MPDZ: variants seen among roughly 807,000 people sequenced by gnomAD.
MPDZ encodes the protein multiple PDZ domain crumbs cell polarity complex component, also known as multiple PDZ domain protein.
MPDZ carries 234 observed loss-of-function variants against 239.1 expected under a neutral mutation model. The observed-to-expected ratio is 0.98, with a 90% CI of 0.88 to 1.09. The LOEUF (loss-of-function observed/expected upper bound fraction) is 1.09, where lower values mean the gene tolerates loss of function less well. Among genes scored for constraint, MPDZ ranks in the 50% least tolerant of loss-of-function variants. The pLI, the probability that MPDZ is intolerant of heterozygous loss-of-function variation, is 0.00. For missense variants in MPDZ, 3,175 were observed against 2,510.0 expected (o/e 1.26, Z -5.66); for synonymous variants, 1,048 against 881.3 (o/e 1.19, Z -3.35).
intron 3 of MPDZ, among the ~76,000 whole-genome samples, chr9:13,230,637 T>C (rs1446874374): frequency 6.6e-6 from 1 of 152,032 alleles, no homozygotes; most frequent in South Asian, 2.1e-4. Context: ...TGGTTAAATA[T>C]GACTATAAAA....
chr9:13,128,262 A>G (rs1945411348), intron 32 of MPDZ, among the ~76,000 whole-genome samples: 1 of 152,240 alleles, frequency 6.6e-6, no homozygotes, highest in Non-Finnish European at 1.5e-5. Context: ...ATGGTGTATA[A>G]TTTCACAGCT....
chr9:13,151,932 C>G (rs1949230211), intron 24 of MPDZ, among the ~76,000 whole-genome samples: 1 of 151,974 alleles, frequency 6.6e-6, no homozygotes, highest in Non-Finnish European at 1.5e-5. Context: ...AATTATGTGT[C>G]TTATAGAATC....
chr9:13,154,748 A>G (rs184718354), intron 24 of MPDZ, among the ~76,000 whole-genome samples: 224 of 152,302 alleles, frequency 1.5e-3, no homozygotes, highest in African/African-American at 5.1e-3. Context: ...ACAACAAATG[A>G]GCAAATGTTC....
intron 1 of MPDZ, among the ~76,000 whole-genome samples, chr9:13,261,876 A>G (rs1210330454): frequency 2.0e-5 from 3 of 151,702 alleles, no homozygotes; most frequent in Non-Finnish European, 4.4e-5. Flanking sequence ...ACAAAAAAAA[A>G]AAAAAAAAAA....
chr9:13,209,707 C>T (rs561915291), intron 10 of MPDZ, among the ~76,000 whole-genome samples: 46 of 152,164 alleles, frequency 3.0e-4, no homozygotes, highest in African/African-American at 1.1e-3. Flanking sequence ...TTCACATTTC[C>T]TTGTATTTAT....
intron 13 of MPDZ, among the ~76,000 whole-genome samples, chr9:13,194,802 G>A (rs1396672997): frequency 1.3e-5 from 2 of 151,972 alleles, no homozygotes; most frequent in African/African-American, 4.8e-5. Flanking sequence ...ACCACCCGAA[G>A]GACTGCAGTC....
intron 8 of MPDZ, among the ~76,000 whole-genome samples, chr9:13,218,021 T>C (rs774184370): frequency 2.4e-4 from 37 of 151,832 alleles, no homozygotes; most frequent in Admixed American, 4.6e-4. Flanking sequence ...TGTATTAGCA[T>C]GGTGTCAGCA....
In MPDZ at chr9:13,137,960, T is replaced by TA; in HGVS notation, c.4196dup (p.Glu1400ArgfsTer20). On this transcript the variant is annotated frameshift_variant, in exon 29 of 47. Transcript: ENST00000319217. LOFTEE classifies it high-confidence loss of function. ...AAAATTTTCCACAAAAACTTACCTC[T>TA]AGAAGCTCATCTGCAATTTGCAATC... is the stretch of plus-strand genomic sequence containing the variant. The TA allele has an allele frequency of 6.2e-7, 1 of 1,613,740 alleles. No individual in the cohort carries two copies. Among genetic ancestry groups the TA allele is most frequent in the Non-Finnish European group, 8.5e-7 (1 of 1,179,740 alleles).
intron 1 of MPDZ, among the ~76,000 whole-genome samples, chr9:13,267,033 T>G (rs952811759): frequency 1.9e-4 from 29 of 152,312 alleles, no homozygotes; most frequent in African/African-American, 6.7e-4. Context: ...CAAATATATA[T>G]TCATCACTGG....
At chr9:13,223,156 A>G (rs929866947) in intron 5 of MPDZ, among the ~76,000 whole-genome samples, 2 of 151,990 alleles carry the variant, frequency 1.3e-5, no homozygotes, top group African/African-American at 2.4e-5. Flanking sequence ...AGATTTTAGT[A>G]CCTGCAGGAG....
intron 12 of MPDZ, among the ~76,000 whole-genome samples, chr9:13,198,733 CTCTCTGTGTGTG>C (rs58816024): frequency 0.39 from 34,483 of 89,368 alleles, 5,352 homozygotes; most frequent in East Asian, 0.51. Flanking sequence ...TTTAATCTCT[CTCTCTGTGTGTG>C]TGTGTGTGTG....
At chr9:13,228,835 T>G (rs1487559724) in intron 3 of MPDZ, among the ~76,000 whole-genome samples, 1 of 152,178 alleles carries the variant, frequency 6.6e-6, no homozygotes, top group East Asian at 1.9e-4. Flanking sequence ...GTATATTATA[T>G]AATAAAGTTG....
Position 13,137,897 on chromosome 9 carries a change from T to G in MPDZ, c.4200+60A>C, listed in dbSNP as rs945222438. 5 of 1,529,092 alleles carry G rather than the reference T, an allele frequency of 3.3e-6. No individual in the cohort carries two copies. The African/African-American group carries it at 5.5e-5, about 17-fold the overall frequency. 94.7% of individuals were successfully genotyped at this position (1,529,092 alleles called of 1,614,324 possible). ...AAGGTATGGGTGATTTTCTGGAAAC[T>G]GACAGTTCCATTACCCTTATAAAAC... is the stretch of plus-strand genomic sequence containing the variant. On this transcript the variant is annotated intron_variant, in intron 29 of 46. Coordinates refer to ENST00000319217, the MANE Select transcript of MPDZ (RefSeq NM_001378778.1).
chr9:13,149,600 T>C (rs1948886272), intron 25 of MPDZ, among the ~76,000 whole-genome samples: 1 of 152,090 alleles, frequency 6.6e-6, no homozygotes, highest in South Asian at 2.1e-4. Context: ...TTGTCAAGTC[T>C]GTCCCACTTG....
intron 21 of MPDZ, among the ~76,000 whole-genome samples, 188 bp downstream of exon 21, chr9:13,175,564 C>A (rs1952358580): frequency 6.6e-6 from 1 of 152,006 alleles, no homozygotes. Context: ...GATTTCTGCT[C>A]ATATGAAGTA....
intron 21 of MPDZ, among the ~76,000 whole-genome samples, chr9:13,173,005 C>A (rs1005765951): frequency 6.6e-6 from 1 of 152,166 alleles, no homozygotes; most frequent in African/African-American, 2.4e-5. Context: ...ACCTAAAAGA[C>A]ATTATACACA....
chr9:13,160,157 T>A lies in MPDZ; in HGVS notation c.3360-2047A>T, dbSNP rs190585298. On this transcript the variant is annotated intron_variant, in intron 23 of 46. Coordinates refer to ENST00000319217, the MANE Select transcript of MPDZ (RefSeq NM_001378778.1). ...ACTTTCATGCTATGCTGCCACATAT[T>A]TTTATATGGCACATGCTTCGTAGAC... 4.6e-5 allele frequency among the ~76,000 whole-genome samples: 7 copies of A among 152,248 alleles called. No individual in the cohort carries two copies. In the East Asian group the frequency reaches 1.4e-3, roughly 29 times the overall value.
chr9:13,190,259 G>A lies in MPDZ; in HGVS notation c.2009C>T (p.Thr670Ile), dbSNP rs761495994. 6 of 1,609,270 alleles carry A rather than the reference G, an allele frequency of 3.7e-6. No individual in the cohort carries two copies. The highest frequency in any genetic ancestry group is 2.2e-5 in the East Asian group (1 of 44,736). Residue 670 changes from threonine to isoleucine, a missense_variant, in exon 16 of 47, where the codon ACA (threonine) becomes ATA (isoleucine). Coordinates refer to ENST00000319217, the MANE Select transcript of MPDZ (RefSeq NM_001378778.1). Reference protein sequence around the residue: ...DLGEFIGSSETEDPVLAMTDA... With the variant: ...DLGEFIGSSEIEDPVLAMTDA... ...AGTCATCGCCAGCACTGGATCCTCT[G>A]TCTCTGATGACCCGATGAACTCACC...
rs773764449 is a variant in MPDZ at position 13,168,408 on chromosome 9, C to T, written c.3212G>A (p.Arg1071Gln). ...GAGAGAATGTCTTCTCAACATAGCTCGTGCCTGGGCATTGGTTACACTGAT... is the reference window on the plus strand; with the variant it reads ...GAGAGAATGTCTTCTCAACATAGCTTGTGCCTGGGCATTGGTTACACTGAT... ...STISVTNAQA[R>Q]AMLRRHSLIG... The change falls in exon 22 of 47, where the codon CGA becomes CAA. Residue 1071 changes from arginine to glutamine, a missense_variant. Transcript: ENST00000319217. 1.4e-5 allele frequency: 22 copies of T among 1,613,344 alleles called. No homozygotes were observed. Among genetic ancestry groups the T allele is most frequent in the Admixed American group, 8.3e-5 (5 of 59,972 alleles).
Sources: allele counts gnomAD v4.1 joint callset (sites outside exome capture counted in the v4.1 genomes callset), GRCh38; gene constraint gnomAD v4.1.1; transcripts MANE v1.5; gene names NCBI Gene and HGNC (gene_info 2026-07-23, HGNC 2026-07-21).